The following ZHX2 variants were observed in gnomAD, a reference collection of about 807,000 sequenced individuals.
ZHX2 encodes the protein zinc fingers and homeoboxes protein 2.
ZHX2 carries 6 observed loss-of-function variants against 21.9 expected under a neutral mutation model. The ratio of observed to expected loss-of-function variants is 0.27; its 90% confidence interval spans 0.15 to 0.54. The LOEUF is 0.54. Ranked by LOEUF, ZHX2 falls within the 20% of genes least tolerant of loss-of-function variation. The pLI, the probability that ZHX2 is intolerant of heterozygous loss-of-function variation, is 0.95. For missense variants in ZHX2, 908 were observed against 1,090.7 expected (o/e 0.83, Z 2.36); for synonymous variants, 434 against 437.1 (o/e 0.99, Z 0.09).
chr8:122,850,806 G>A (rs1213079180), intron 1 of ZHX2, among the ~76,000 whole-genome samples: 2 of 151,778 alleles, frequency 1.3e-5, no homozygotes, highest in Admixed American at 6.6e-5. Context: ...ACATGGGTCA[G>A]ATTTTGTTTC....
rs533269315 is a variant in ZHX2, at chr8:122,886,297, A to C, written c.-220+22758A>C. Among the ~76,000 whole-genome samples, 5 of 152,350 alleles carry C rather than the reference A, an allele frequency of 3.3e-5. No individual in the cohort carries two copies. The South Asian group carries it at 1.0e-3, about 32-fold the overall frequency. On this transcript the variant is annotated intron_variant, in intron 2 of 3. Coordinates refer to ENST00000314393, the MANE Select transcript of ZHX2 (RefSeq NM_014943.5). ...CACAGGCAAAAATATGCAGACAGTA[A>C]AAAGATCAGTGTTGCCAGGAGTTCA...
At chr8:122,820,376 G>T (rs1017421185) in intron 1 of ZHX2, among the ~76,000 whole-genome samples, 1 of 152,208 alleles carries the variant, frequency 6.6e-6, no homozygotes, top group East Asian at 1.9e-4. Flanking sequence ...CATATATAGA[G>T]CCTGGGGAAT....
chr8:122,780,485 G>A (rs545868570), upstream of ZHX2: 2 of 152,364 alleles, frequency 1.3e-5, no homozygotes, highest in Admixed American at 1.3e-4. Context: ...GGGGAAACAA[G>A]GTACATCTGG....
Position 122,943,791 on chromosome 8 carries a change from C to A in ZHX2, c.-219-7501C>A, listed in dbSNP as rs867969286. On this transcript the variant is annotated intron_variant, in intron 2 of 3. Coordinates refer to ENST00000314393, the MANE Select transcript of ZHX2 (RefSeq NM_014943.5). The stretch of plus-strand genomic sequence containing the variant: ...TGTTCTTCATTGATGTGCCTCTTTT[C>A]CCGCCAGCCCCACCCCACACCTTGA... Among the ~76,000 whole-genome samples, 9 of 152,228 alleles carry A rather than the reference C, an allele frequency of 5.9e-5. 1 individual carries two copies. The highest frequency in any genetic ancestry group is 3.4e-3 in the Middle Eastern group (1 of 294).
At position 122,924,727 on chromosome 8, in the gene ZHX2, G is replaced by T. The variant is rs1331723491; in HGVS notation, c.-219-26565G>T. Among the ~76,000 whole-genome samples the T allele has an allele frequency of 2.0e-5, 3 of 152,308 alleles. No homozygotes were observed. In the East Asian group the frequency reaches 5.8e-4, roughly 29 times the overall value. On this transcript the variant is annotated intron_variant, in intron 2 of 3. Coordinates refer to ENST00000314393, the MANE Select transcript of ZHX2 (RefSeq NM_014943.5). ...GCCCTCAGTACATACTTTACTGAAT[G>T]AATGATTGAATGAACCGATTGGCCC...
In ZHX2 at chr8:122,952,706, G is replaced by A. The variant is rs1472239627; in HGVS notation, c.1196G>A (p.Gly399Glu). ...TCCCCCATCACACTTGCCGTGGCAG[G>A]AGTCACCAACCATGGCCAGAAGAGA... ...SCSPITLAVA[G>E]VTNHGQKRPL... Residue 399 changes from glycine to glutamate, a missense_variant, in exon 3 of 4, where the codon GGA becomes GAA. Gly to Glu is a moderately conservative substitution (Grantham distance 98, BLOSUM62 -2). This residue lies in a region of ZHX2 where 232 missense variants were observed against 361.8 expected (regional missense o/e 0.64). Transcript: ENST00000314393. This position sits in a 1 kb window ranked among gnomAD's most constrained non-coding sequence, Gnocchi z 6.9. 2.5e-6 allele frequency: 4 copies of A among 1,613,978 alleles called. No individual in the cohort carries two copies. The highest frequency in any genetic ancestry group is 3.4e-6 in the Non-Finnish European group (4 of 1,180,030).
intron 2 of ZHX2, among the ~76,000 whole-genome samples, chr8:122,935,829 C>A (rs1812671036): frequency 6.6e-6 from 1 of 152,158 alleles, no homozygotes; most frequent in Non-Finnish European, 1.5e-5. Context: ...GCCACCACGC[C>A]CGGCCGAGAG....
rs759074913 is a variant in ZHX2, at chr8:122,965,414, C to T, written c.*5-7828C>T. Reference sequence around the variant, plus strand: ...TTGATTTCATTGTTGACCCAAGGATCATTCAAGAGCGTATCATTTAACTTC... The same window carrying T: ...TTGATTTCATTGTTGACCCAAGGATTATTCAAGAGCGTATCATTTAACTTC... On this transcript the variant is annotated intron_variant, in intron 3 of 3. Transcript: ENST00000314393. Among the ~76,000 whole-genome samples, 70 of 152,260 alleles carry T rather than the reference C, an allele frequency of 4.6e-4. No homozygotes were observed. The Middle Eastern group carries it at 0.01, about 22-fold the overall frequency.
At position 122,828,727 on chromosome 8, in the gene ZHX2, G is replaced by A. The variant is rs1299308585; in HGVS notation, c.-282-34750G>A. Reference sequence around the variant, plus strand: ...AATCGCAGGTGTGTTCCCACGCTTCGCAGGGCTGATGGATCGTGCCTGCAA... The same window carrying A: ...AATCGCAGGTGTGTTCCCACGCTTCACAGGGCTGATGGATCGTGCCTGCAA... On this transcript the variant is annotated intron_variant, in intron 1 of 3. Coordinates refer to ENST00000314393, the MANE Select transcript of ZHX2 (RefSeq NM_014943.5). This position sits in a 1 kb window ranked among gnomAD's most constrained non-coding sequence, Gnocchi z 5.2. 6.6e-6 allele frequency among the ~76,000 whole-genome samples: 1 copy of A among 152,190 alleles called. No individual in the cohort carries two copies. Among genetic ancestry groups the A allele is most frequent in the East Asian group, 1.9e-4 (1 of 5,188 alleles).
At chr8:122,805,424 C>A (rs190554467) in intron 1 of ZHX2, among the ~76,000 whole-genome samples, 4 of 152,184 alleles carry the variant, frequency 2.6e-5, no homozygotes, top group African/African-American at 4.8e-5. Context: ...AGTGACCCCC[C>A]ACCCCAGCAA....
In ZHX2 at chr8:122,806,787, G is replaced by A. The variant is rs577137635; in HGVS notation, c.-283+24841G>A. Among the ~76,000 whole-genome samples, 84 of 152,324 alleles carry A rather than the reference G, an allele frequency of 5.5e-4. 2 individuals carry two copies. In the South Asian group the frequency reaches 0.017, roughly 32 times the overall value. ...ATTTACCTTGTGCCAATTATGGCCAGGCATTGTTCTAAGCATGGTAACCCA... is the reference window on the plus strand; with the variant it reads ...ATTTACCTTGTGCCAATTATGGCCAAGCATTGTTCTAAGCATGGTAACCCA... On this transcript the variant is annotated intron_variant, in intron 1 of 3. Coordinates refer to ENST00000314393, the MANE Select transcript of ZHX2 (RefSeq NM_014943.5).
intron 2 of ZHX2, among the ~76,000 whole-genome samples, chr8:122,948,788 T>C (rs756192200): frequency 1.3e-5 from 2 of 152,186 alleles, no homozygotes; most frequent in Non-Finnish European, 2.9e-5. Flanking sequence ...GTTAGAATTG[T>C]GTCTTACAGC....
chr8:122,896,966 G>A (rs928413357), intron 2 of ZHX2, among the ~76,000 whole-genome samples: 1 of 152,208 alleles, frequency 6.6e-6, no homozygotes, highest in Non-Finnish European at 1.5e-5. Context: ...GTGAAATGGG[G>A]ATAAATATAC....
intron 2 of ZHX2, among the ~76,000 whole-genome samples, chr8:122,869,751 C>T (rs1424481876): frequency 6.6e-6 from 1 of 152,160 alleles, no homozygotes; most frequent in Non-Finnish European, 1.5e-5. Context: ...CCAGACTGCT[C>T]CTCAGTTAGA....
chr8:122,916,629 T>C (rs898694413), intron 2 of ZHX2, among the ~76,000 whole-genome samples: 1 of 152,230 alleles, frequency 6.6e-6, no homozygotes, highest in Non-Finnish European at 1.5e-5. Context: ...ACCGTCTTGC[T>C]CTTCAGGTTT....
intron 1 of ZHX2, among the ~76,000 whole-genome samples, chr8:122,826,139 G>A (rs143871975): frequency 2.6e-5 from 4 of 152,280 alleles, no homozygotes; most frequent in Admixed American, 6.5e-5. Flanking sequence ...CATTATTCTC[G>A]CCTTGCTCCA....
At chr8:122,822,747 G>A (rs977277999) in intron 1 of ZHX2, among the ~76,000 whole-genome samples, 5 of 152,194 alleles carry the variant, frequency 3.3e-5, no homozygotes, top group South Asian at 2.1e-4. Flanking sequence ...GGAAGCCAGC[G>A]ACATCACCAC....
chr8:122,815,080 G>T (rs1213452310), intron 1 of ZHX2, among the ~76,000 whole-genome samples: 2 of 152,224 alleles, frequency 1.3e-5, no homozygotes, highest in African/African-American at 4.8e-5. Flanking sequence ...GGATGTGAGG[G>T]TTGGAGGAAA....
At chr8:122,920,344 CT>C (rs11335946) in intron 2 of ZHX2, among the ~76,000 whole-genome samples, 6,966 of 148,654 alleles carry the variant, frequency 0.047, 506 homozygotes, top group African/African-American at 0.16. Flanking sequence ...CATTTTTCTG[CT>C]TTTTTTTTTC....
Sources: allele counts gnomAD v4.1 joint callset (sites outside exome capture counted in the v4.1 genomes callset), GRCh38; gene constraint gnomAD v4.1.1; regional missense constraint gnomAD v4.1.1; non-coding constraint Gnocchi (gnomAD v3.1); transcripts MANE v1.5; gene names NCBI Gene and HGNC (gene_info 2026-07-23, HGNC 2026-07-21).